The following RANBP17 variants were observed in gnomAD, a reference collection of about 807,000 sequenced individuals.
RANBP17 encodes the protein RAN binding protein 17, also known as ran-binding protein 17.
RANBP17 carries 158 observed loss-of-function variants against 141.2 expected under a neutral mutation model. The observed-to-expected ratio is 1.12, with a 90% confidence interval of 0.98 to 1.28. RANBP17 has a LOEUF of 1.28. Ranked by LOEUF, RANBP17 falls within the 50% of genes most tolerant of loss-of-function variation. The probability of loss-of-function intolerance (pLI) is 0.00; values close to 1 mark genes in which losing one functional copy is unlikely to be tolerated. For missense variants in RANBP17, 1,438 were observed against 1,290.7 expected, an observed-to-expected ratio of 1.11 and a Z score of -1.75; for synonymous variants, 430 against 450.0, an observed-to-expected ratio of 0.96 and a Z score of 0.56.
chr5:171,215,691 C>T (rs1358478073), intron 21 of RANBP17, among the ~76,000 whole-genome samples: 1 of 152,156 alleles, frequency 6.6e-6, no homozygotes, highest in Non-Finnish European at 1.5e-5. Context: ...TTGTTGGCCA[C>T]ATAAATATCT....
intron 9 of RANBP17, among the ~76,000 whole-genome samples, chr5:170,917,546 G>T (rs977265352): frequency 2.6e-5 from 4 of 151,978 alleles, no homozygotes; most frequent in Admixed American, 6.5e-5. Context: ...ATAAATTTTG[G>T]GGGGTGACAT....
chr5:171,035,433 T>C (rs1781807807), intron 14 of RANBP17, among the ~76,000 whole-genome samples: 1 of 152,156 alleles, frequency 6.6e-6, no homozygotes, highest in South Asian at 2.1e-4. Flanking sequence ...AAATGATGCT[T>C]CTAATATCTT....
intron 22 of RANBP17, among the ~76,000 whole-genome samples, chr5:171,232,159 T>C (rs1764242668): frequency 6.6e-6 from 1 of 152,198 alleles, no homozygotes; most frequent in Non-Finnish European, 1.5e-5. Flanking sequence ...AATATTGAGG[T>C]TAAAAGTTAA....
intron 14 of RANBP17, among the ~76,000 whole-genome samples, chr5:171,056,075 A>G (rs1483291904): frequency 2.0e-5 from 3 of 152,138 alleles, no homozygotes; most frequent in African/African-American, 7.2e-5. Context: ...AATAGCTCAA[A>G]AGAAAATCTT....
At chr5:171,208,021 G>T (rs553958663) in intron 20 of RANBP17, 1 of 152,188 alleles carries the variant, frequency 6.6e-6, no homozygotes, top group African/African-American at 2.4e-5. Context: ...CTGAAATATT[G>T]ATATGTCAAA....
chr5:170,948,582 T>G (rs1774948834), intron 12 of RANBP17, among the ~76,000 whole-genome samples: 2 of 152,152 alleles, frequency 1.3e-5, no homozygotes. Context: ...ACAGAAAGAC[T>G]TCTCATCGTC....
intron 3 of RANBP17, among the ~76,000 whole-genome samples, chr5:170,889,908 C>G (rs1430484439): frequency 6.6e-6 from 1 of 152,086 alleles, no homozygotes; most frequent in Non-Finnish European, 1.5e-5. Flanking sequence ...TTGGAACATT[C>G]TTATAGTTTG....
chr5:171,064,391 T>G (rs1271874744), intron 14 of RANBP17, among the ~76,000 whole-genome samples: 3 of 152,270 alleles, frequency 2.0e-5, no homozygotes, highest in Non-Finnish European at 2.9e-5. Flanking sequence ...GTAATTTTAA[T>G]TTGCATTTCT....
chr5:170,949,807 A>G (rs1303866536), intron 12 of RANBP17, among the ~76,000 whole-genome samples: 2 of 152,142 alleles, frequency 1.3e-5, no homozygotes, highest in Non-Finnish European at 2.9e-5. Flanking sequence ...TAGTCAAAAG[A>G]TGGAAACAAT....
chr5:171,291,720 C>T (rs1768510832), intron 25 of RANBP17, among the ~76,000 whole-genome samples: 1 of 152,136 alleles, frequency 6.6e-6, no homozygotes, highest in Non-Finnish European at 1.5e-5. Flanking sequence ...CCATACCCTA[C>T]TGTAAGATAT....
chr5:171,151,010 T>G (rs1485253727), intron 14 of RANBP17, among the ~76,000 whole-genome samples: 1 of 152,198 alleles, frequency 6.6e-6, no homozygotes, highest in Non-Finnish European at 1.5e-5. Context: ...TGTAAAAAAT[T>G]CCAGCAGAGA....
In RANBP17 at chr5:170,925,441, C is replaced by G. The variant is rs145195644; in HGVS notation, c.1468+891C>G. On this transcript the variant is annotated intron_variant, in intron 12 of 27. Transcript: ENST00000523189. ...GTAAATTAAATGGGGACAACTAACA[C>G]TTTTGCAGCATTTAGTCTCTTCATT... Among the ~76,000 whole-genome samples, 29 of 152,172 alleles carry G rather than the reference C, an allele frequency of 1.9e-4. No homozygotes were observed. In the East Asian group the frequency reaches 4.6e-3, roughly 24 times the overall value.
At chr5:171,197,677 GTAT>G (rs1458158582) in intron 18 of RANBP17, among the ~76,000 whole-genome samples, 1 of 152,136 alleles carries the variant, frequency 6.6e-6, no homozygotes, top group Non-Finnish European at 1.5e-5. Flanking sequence ...AATGTAAGTG[GTAT>G]TATTGTTGCT....
At chr5:171,117,643 G>A (rs755427332) in intron 14 of RANBP17, among the ~76,000 whole-genome samples, 1 of 151,830 alleles carries the variant, frequency 6.6e-6, no homozygotes, top group Non-Finnish European at 1.5e-5. Context: ...ACAGATGCAC[G>A]CCATGACGTC....
At chr5:170,978,172 C>A (rs1167334162) in intron 14 of RANBP17, among the ~76,000 whole-genome samples, 16 of 152,110 alleles carry the variant, frequency 1.1e-4, no homozygotes, top group Admixed American at 1.0e-3. Flanking sequence ...CACTGCTCAT[C>A]TGACAAAATG....
chr5:171,134,937 A>G (rs553340783), intron 14 of RANBP17, among the ~76,000 whole-genome samples: 7 of 151,986 alleles, frequency 4.6e-5, no homozygotes, highest in African/African-American at 4.8e-5. Flanking sequence ...AAATAAAAAT[A>G]AATTAAATTC....
chr5:170,936,906 C>A (rs1353436762), intron 12 of RANBP17, among the ~76,000 whole-genome samples: 1 of 152,012 alleles, frequency 6.6e-6, no homozygotes, highest in Non-Finnish European at 1.5e-5. Flanking sequence ...CCTTATTGAC[C>A]TTTACTCTTG....
At chr5:171,083,944 C>G (rs1785431377) in intron 14 of RANBP17, among the ~76,000 whole-genome samples, 1 of 142,698 alleles carries the variant, frequency 7.0e-6, no homozygotes, top group Admixed American at 7.3e-5. Context: ...TGTAAATTGC[C>G]CAGTTGTGGT....
At chr5:170,883,330 T>C (rs1391094307) in intron 3 of RANBP17, among the ~76,000 whole-genome samples, 1 of 152,210 alleles carries the variant, frequency 6.6e-6, no homozygotes, top group African/African-American at 2.4e-5. Context: ...GAGCACAAAG[T>C]ACAGAGGACT....
Sources: allele counts gnomAD v4.1 joint callset (sites outside exome capture counted in the v4.1 genomes callset), GRCh38; gene constraint gnomAD v4.1.1; transcripts MANE v1.5; gene names NCBI Gene and HGNC (gene_info 2026-07-23, HGNC 2026-07-21).